UTP4: variants seen among roughly 807,000 people sequenced by gnomAD.
UTP4 encodes UTP4 small subunit processome component.
In UTP4, 45 loss-of-function variants were observed where a neutral mutation model predicts 82.4. The observed-to-expected ratio is 0.55, with a 90% CI of 0.43 to 0.70. UTP4 has a LOEUF of 0.70. Among genes scored for constraint, UTP4 ranks in the 30% least tolerant of loss-of-function variants. The probability of loss-of-function intolerance (pLI) is 0.00; values close to 1 mark genes in which losing one functional copy is unlikely to be tolerated. For missense variants in UTP4, 819 were observed against 858.3 expected (o/e 0.95, Z 0.57); for synonymous variants, 348 against 300.3 (o/e 1.16, Z -1.64).
At position 69,150,682 on chromosome 16, in the gene UTP4, ACAGC is replaced by A; in HGVS notation, c.886_889del (p.Ser296GlnfsTer4). ...ACTCATGACGTGCGCACTGTGGCCC[ACAGC>A]CCAACAGCGCTGATATCTGGAGGTG... On this transcript the variant is annotated frameshift_variant, in exon 7 of 17. Transcript: ENST00000314423. LOFTEE classifies it high-confidence loss of function. 6.2e-7 allele frequency: 1 copy of A among 1,614,186 alleles called. No homozygotes were observed. The highest frequency in any genetic ancestry group is 8.5e-7 in the Non-Finnish European group (1 of 1,180,040).
chr16:69,162,102 G>A (rs1963578211), intron 13 of UTP4, among the ~76,000 whole-genome samples: 1 of 151,838 alleles, frequency 6.6e-6, no homozygotes, highest in Admixed American at 6.6e-5. Flanking sequence ...TGAGTAGCTG[G>A]GATTACAGGT....
rs1248111616 is a variant in UTP4 at position 69,165,496 on chromosome 16, C to T, written c.1803C>T (p.Ala601=). 2 of 1,613,924 alleles carry T rather than the reference C, an allele frequency of 1.2e-6. No individual in the cohort carries two copies. Among genetic ancestry groups the T allele is most frequent in the Non-Finnish European group, 8.5e-7 (1 of 1,179,908 alleles). The change falls in exon 15 of 17, where the codon GCC becomes GCT. Residue 601 remains alanine (A), a synonymous_variant. Transcript: ENST00000314423. ...KRPMHILLHD[A]YMFCIIDKSL... ...CGATGCACATCCTTCTCCATGATGC[C>T]TACATGTTCTGCATCATTGACAAGT...
intron 6 of UTP4, among the ~76,000 whole-genome samples, chr16:69,146,447 G>A (rs535072572): frequency 5.9e-5 from 9 of 152,246 alleles, no homozygotes; most frequent in African/African-American, 2.2e-4. Context: ...CATCCATCTT[G>A]CAGCATTATC....
At chr16:69,143,010 TA>T (rs1963004387) in intron 5 of UTP4, among the ~76,000 whole-genome samples, 167 bp from the exon 6 acceptor site, 1 of 152,224 alleles carries the variant, frequency 6.6e-6, no homozygotes. Flanking sequence ...ATATCATGCT[TA>T]CCGCAGGCGG....
At chr16:69,162,871 CAA>C (rs1446806262) in intron 13 of UTP4, among the ~76,000 whole-genome samples, 4 of 124,888 alleles carry the variant, frequency 3.2e-5, no homozygotes, top group South Asian at 2.5e-4. Flanking sequence ...GCCTGGGTGA[CAA>C]GAGCGAAACT....
intron 12 of UTP4, among the ~76,000 whole-genome samples, chr16:69,157,855 C>T (rs908276291): frequency 1.6e-5 from 2 of 126,684 alleles, no homozygotes; most frequent in African/African-American, 5.8e-5. Flanking sequence ...TCCTGCCCTC[C>T]CAGCTGAGAT....
At chr16:69,165,585 A>G in intron 15 of UTP4, 59 bp downstream of exon 15, 2 of 1,405,132 alleles carry the variant, frequency 1.4e-6, no homozygotes, top group Non-Finnish European at 1.0e-6. Context: ...TCTAAAAGCA[A>G]CAAGTACAAT....
Position 69,137,835 on chromosome 16 carries a change from A to T in UTP4, c.386A>T (p.Gln129Leu). ...GAAGATGGATCTGTGAAACTATTTC[A>T]AATTACCCCAGACAAAATCCAGTTT... ...GCEDGSVKLF[Q>L]ITPDKIQFER... Residue 129 changes from glutamine to leucine, a missense_variant, in exon 4 of 17, where the codon CAA (glutamine) becomes CTA (leucine). By Grantham distance (113) the Gln-to-Leu change is moderately radical. Coordinates refer to ENST00000314423, the MANE Select transcript of UTP4 (RefSeq NM_032830.3). The T allele has an allele frequency of 6.2e-7, 1 of 1,613,418 alleles. No individual in the cohort carries two copies. Among genetic ancestry groups the T allele is most frequent in the Non-Finnish European group, 8.5e-7 (1 of 1,179,332 alleles).
At chr16:69,168,485 C>T (rs557064825) in intron 16 of UTP4, among the ~76,000 whole-genome samples, 2 of 151,226 alleles carry the variant, frequency 1.3e-5, no homozygotes, top group African/African-American at 2.4e-5. Context: ...CAGGCGCAGC[C>T]GTGCACACCT....
At chr16:69,157,720 G>C (rs866855948) in intron 12 of UTP4, among the ~76,000 whole-genome samples, 5 of 151,650 alleles carry the variant, frequency 3.3e-5, no homozygotes, top group Admixed American at 3.3e-4. Flanking sequence ...TCAGCATCCT[G>C]AGTAGCTGGG....
intron 6 of UTP4, among the ~76,000 whole-genome samples, chr16:69,149,797 T>TG (rs1963211813): frequency 6.6e-6 from 1 of 152,082 alleles, no homozygotes; most frequent in Non-Finnish European, 1.5e-5. Context: ...GGTGCGATCT[T>TG]GGCGTACTGC....
chr16:69,143,164 T>C lies in UTP4; in HGVS notation c.527-14T>C. ...ATAAGTACCATTTGAAGGTGTGCTT[T>C]TCTGATTTTTCAGGCAGCGCTGTTC... On this transcript the variant is annotated splice_polypyrimidine_tract_variant and intron_variant, in intron 5 of 16. Coordinates refer to ENST00000314423, the MANE Select transcript of UTP4 (RefSeq NM_032830.3). 1.2e-6 allele frequency: 2 copies of C among 1,613,372 alleles called. No individual in the cohort carries two copies. Among genetic ancestry groups the C allele is most frequent in the Non-Finnish European group, 1.7e-6 (2 of 1,179,250 alleles).
intron 6 of UTP4, among the ~76,000 whole-genome samples, chr16:69,143,818 C>T (rs904585326): frequency 6.6e-6 from 1 of 152,212 alleles, no homozygotes; most frequent in African/African-American, 2.4e-5. Flanking sequence ...CCATCTCAGC[C>T]TCCCAAAGTG....
intron 13 of UTP4, among the ~76,000 whole-genome samples, chr16:69,161,941 G>A (rs1468412343): frequency 6.6e-6 from 1 of 151,776 alleles, no homozygotes; most frequent in African/African-American, 2.4e-5. Flanking sequence ...GTAGTTACAG[G>A]TGTGAGCCAC....
chr16:69,164,562 AG>A (rs1361618612), intron 14 of UTP4, among the ~76,000 whole-genome samples: 1 of 147,180 alleles, frequency 6.8e-6, no homozygotes, highest in African/African-American at 2.5e-5. Flanking sequence ...TCTTTGACTT[AG>A]AAATTTCAGT....
In UTP4 at chr16:69,139,844, C is replaced by T. The variant is rs770986494; in HGVS notation, c.456C>T (p.Ser152=). Residue 152 remains serine, a synonymous_variant, in exon 5 of 17, where the codon AGC becomes AGT. Coordinates refer to ENST00000314423, the MANE Select transcript of UTP4 (RefSeq NM_032830.3). The stretch of plus-strand genomic sequence containing the variant: ...CCCAAGGTCGCATCCTGAGTCTCAG[C>T]TGGCATCCCTCTGGTACCCACATTG... ...DRQKSRILSL[S]WHPSGTHIAA... is the part of the protein sequence containing the mutation. The T allele has an allele frequency of 5.0e-6, 8 of 1,613,714 alleles. No homozygotes were observed. Among genetic ancestry groups the T allele is most frequent in the South Asian group, 2.2e-5 (2 of 91,076 alleles).
At chr16:69,162,467 T>G (rs992764437) in intron 13 of UTP4, among the ~76,000 whole-genome samples, 2 of 150,698 alleles carry the variant, frequency 1.3e-5, no homozygotes, top group Admixed American at 6.7e-5. Flanking sequence ...ATCCCAACAC[T>G]TTGGGAGACC....
At position 69,162,711 on chromosome 16, in the gene UTP4, C is replaced by CA. The variant is rs61078750; in HGVS notation, c.1552-357dup. On this transcript the variant is annotated intron_variant, in intron 13 of 16. Coordinates refer to ENST00000314423, the MANE Select transcript of UTP4 (RefSeq NM_032830.3). The stretch of plus-strand genomic sequence containing the variant: ...TGGGAGAAAGAGTGAAACTCCATCT[C>CA]AAAAAAAAAAAAAAAGAAAAACAAA... 2.5e-3 allele frequency among the ~76,000 whole-genome samples: 248 copies of CA among 100,366 alleles called. 1 individual carries two copies. Among genetic ancestry groups the CA allele is most frequent in the Middle Eastern group, 5.7e-3 (1 of 176 alleles). 65.8% of individuals were successfully genotyped at this position (100,366 alleles called of 152,430 possible). A position where few individuals can be genotyped will look rare whatever the true frequency, so the allele number is the denominator to read the frequency against.
At chr16:69,166,928 G>A (rs1260123985) in intron 15 of UTP4, 147 bp from the exon 16 acceptor site, 3 of 649,740 alleles carry the variant, frequency 4.6e-6, no homozygotes, top group Non-Finnish European at 8.3e-6. Flanking sequence ...GGCTACAGCT[G>A]TTTTCCCGAA....
Sources: gnomAD v4.1 joint callset for allele counts (sites outside exome capture counted in the v4.1 genomes callset) on GRCh38, gnomAD v4.1.1 for gene constraint, MANE v1.5 for transcripts, NCBI Gene and HGNC (gene_info 2026-07-23, HGNC 2026-07-21) for gene names.